Variants in ATG5 observed in about 807,000 individuals in gnomAD.
The protein encoded by ATG5 is autophagy protein 5.
A neutral mutation model predicts 36.5 loss-of-function variants in ATG5; 14 were observed. The ratio of observed to expected loss-of-function variants is 0.38; its 90% CI spans 0.25 to 0.60. The LOEUF (loss-of-function observed/expected upper bound fraction) is 0.60. Among genes scored for constraint, ATG5 ranks in the 20% least tolerant of loss-of-function variants. The pLI, the probability that ATG5 is intolerant of heterozygous loss-of-function variation, is 0.60. For missense variants in ATG5, 195 were observed against 326.7 expected (o/e 0.60, Z 3.11); for synonymous variants, 95 against 101.5 (o/e 0.94, Z 0.38).
chr6:106,206,671 C>T (rs1403312887), intron 6 of ATG5, among the ~76,000 whole-genome samples: 1 of 148,218 alleles, frequency 6.7e-6, no homozygotes, highest in Non-Finnish European at 1.5e-5. Context: ...AAAAAGTACA[C>T]ACTCTAACAT....
At chr6:106,225,798 C>T (rs574697237) in intron 6 of ATG5, among the ~76,000 whole-genome samples, 6 of 152,170 alleles carry the variant, frequency 3.9e-5, no homozygotes, top group Non-Finnish European at 8.8e-5. Context: ...ATTTTATCAC[C>T]AGGAGAGTTT....
intron 5 of ATG5, among the ~76,000 whole-genome samples, chr6:106,255,839 G>C (rs775301851): frequency 4.1e-4 from 63 of 152,138 alleles, no homozygotes; most frequent in Admixed American, 1.7e-3. Flanking sequence ...CAGAGCTACA[G>C]CACAGTGGTA....
chr6:106,261,195 T>C (rs928568618), intron 5 of ATG5, among the ~76,000 whole-genome samples: 1 of 152,134 alleles, frequency 6.6e-6, no homozygotes, highest in Non-Finnish European at 1.5e-5. Flanking sequence ...ACACATTATT[T>C]CAAAAAATGT....
intron 7 of ATG5, among the ~76,000 whole-genome samples, chr6:106,199,650 A>G (rs1183176052): frequency 6.6e-6 from 1 of 152,230 alleles, no homozygotes; most frequent in African/African-American, 2.4e-5. Context: ...ATTTACTAAA[A>G]AATCATTAAA....
chr6:106,251,403 A>G (rs1356745586), intron 5 of ATG5, among the ~76,000 whole-genome samples: 2 of 151,688 alleles, frequency 1.3e-5, no homozygotes, highest in African/African-American at 4.8e-5. Context: ...GGTAAAATAT[A>G]TAGTTTTCTT....
chr6:106,196,289 G>GT (rs1417583894), intron 7 of ATG5, among the ~76,000 whole-genome samples: 5 of 152,096 alleles, frequency 3.3e-5, no homozygotes, highest in Non-Finnish European at 5.9e-5. Flanking sequence ...GAAAAAGCAA[G>GT]TATTTCAGAA....
intron 6 of ATG5, among the ~76,000 whole-genome samples, chr6:106,247,633 G>GT (rs1778396544): frequency 6.6e-6 from 1 of 152,168 alleles, no homozygotes; most frequent in African/African-American, 2.4e-5. Flanking sequence ...ACATAACCTT[G>GT]TTCTATGTGT....
At chr6:106,205,486 A>C (rs182932052) in intron 6 of ATG5, among the ~76,000 whole-genome samples, 3 of 152,316 alleles carry the variant, frequency 2.0e-5, no homozygotes, top group East Asian at 3.9e-4. Flanking sequence ...TACACATTGC[A>C]TGCTTATAGC....
At chr6:106,309,724 G>A (rs1470995737) in intron 2 of ATG5, among the ~76,000 whole-genome samples, 1 of 152,064 alleles carries the variant, frequency 6.6e-6, no homozygotes, top group African/African-American at 2.4e-5. Context: ...TTTCAGAAAT[G>A]ACAAATACAG....
At chr6:106,323,587 G>C (rs1010952345) in intron 1 of ATG5, among the ~76,000 whole-genome samples, 1 of 152,012 alleles carries the variant, frequency 6.6e-6, no homozygotes, top group East Asian at 1.9e-4. Context: ...AGTCGTCCTT[G>C]ACCCTTCTTC....
chr6:106,284,407 G>A (rs1434317464), intron 4 of ATG5, among the ~76,000 whole-genome samples: 4 of 152,036 alleles, frequency 2.6e-5, no homozygotes, highest in Non-Finnish European at 5.9e-5. Flanking sequence ...CCCAGGCTGG[G>A]TTGCAGACAT....
intron 4 of ATG5, among the ~76,000 whole-genome samples, chr6:106,286,314 C>T (rs9486314): frequency 0.17 from 26,491 of 152,068 alleles, 2,718 homozygotes; most frequent in African/African-American, 0.28. Context: ...GCACATGGGG[C>T]TCACCTTGTT....
intron 6 of ATG5, among the ~76,000 whole-genome samples, chr6:106,245,222 CTA>C (rs1778280974): frequency 6.6e-6 from 1 of 152,102 alleles, no homozygotes; most frequent in South Asian, 2.1e-4. Flanking sequence ...GGTCACCTGA[CTA>C]TAGTCATTTT....
At chr6:106,258,589 A>C (rs1188823888) in intron 5 of ATG5, among the ~76,000 whole-genome samples, 1 of 152,194 alleles carries the variant, frequency 6.6e-6, no homozygotes, top group African/African-American at 2.4e-5. Context: ...CATTGTAGAG[A>C]GGAGAAAATT....
At chr6:106,272,853 G>T (rs1300248851) in intron 5 of ATG5, among the ~76,000 whole-genome samples, 1 of 152,146 alleles carries the variant, frequency 6.6e-6, no homozygotes, top group Non-Finnish European at 1.5e-5. Context: ...GATTAAACAT[G>T]AGAGTATAAA....
chr6:106,208,532 G>A (rs914153661), intron 6 of ATG5, among the ~76,000 whole-genome samples: 4 of 151,194 alleles, frequency 2.6e-5, no homozygotes, highest in African/African-American at 7.3e-5. Flanking sequence ...AGAAGTTTAC[G>A]TTTTAATGTT....
At chr6:106,325,203 T>C (rs1160200788) in intron 1 of ATG5, 1 of 152,218 alleles carries the variant, frequency 6.6e-6, no homozygotes, top group Non-Finnish European at 1.5e-5. Flanking sequence ...AAGGTTTAAA[T>C]AACTGTGTTC....
chr6:106,188,047 G>A (rs1175119675), intron 7 of ATG5, among the ~76,000 whole-genome samples: 4 of 151,934 alleles, frequency 2.6e-5, no homozygotes, highest in Non-Finnish European at 5.9e-5. Flanking sequence ...TTTCTTTGTT[G>A]CACCTATACA....
At chr6:106,246,430 A>ACACC (rs1475760754) in intron 6 of ATG5, among the ~76,000 whole-genome samples, 6 of 130,560 alleles carry the variant, frequency 4.6e-5, no homozygotes, top group African/African-American at 1.7e-4. Context: ...ACACACACAC[A>ACACC]CCCTTTCTCT....
Sources: allele counts gnomAD v4.1 joint callset (sites outside exome capture counted in the v4.1 genomes callset), GRCh38; gene constraint gnomAD v4.1.1; transcripts MANE v1.5; gene names NCBI Gene and HGNC (gene_info 2026-07-23, HGNC 2026-07-21).